MED14: variants seen among roughly 807,000 people sequenced by gnomAD.
The protein encoded by MED14 is mediator of RNA polymerase II transcription subunit 14.
A neutral mutation model predicts 109.0 loss-of-function variants in MED14; 8 were observed. The ratio of observed to expected loss-of-function variants is 0.07; its 90% CI spans 0.04 to 0.13. MED14 has a LOEUF of 0.13. Among genes scored for constraint, MED14 ranks in the 10% least tolerant of loss-of-function variants. The pLI is 1.00. For missense variants in MED14, 711 were observed against 1,142.4 expected (o/e 0.62, Z 5.44); for synonymous variants, 399 against 408.7 (o/e 0.98, Z 0.29).
At chrX:40,710,391 C>A (rs960082304) in intron 8 of MED14, among the ~76,000 whole-genome samples, 1 of 111,977 alleles carries the variant, frequency 8.9e-6, no homozygotes, top group African/African-American at 3.2e-5. Context: ...AACTACCTGT[C>A]TTCTAAGTAG....
chrX:40,700,363 C>CAAA lies in MED14; in HGVS notation c.1490+799_1490+801dup, dbSNP rs749901603. Among the ~76,000 whole-genome samples the CAAA allele has an allele frequency of 3.4e-3, 17 of 4,947 alleles. 2 individuals are homozygous for CAAA. The highest frequency in any genetic ancestry group is 8.4e-3 in the African/African-American group (12 of 1,436). 4.3% of individuals were successfully genotyped at this position (4,947 alleles called of 115,157 possible). A position where few individuals can be genotyped will look rare whatever the true frequency, so the allele number is the denominator to read the frequency against. ...GTGGCAACAAAGTAAAACCCTGTCTCAAAAAAAAAAAAAAAAAAAAAAAAA... is the reference window on the plus strand; with the variant it reads ...GTGGCAACAAAGTAAAACCCTGTCTCAAAAAAAAAAAAAAAAAAAAAAAAAAAA... On this transcript the variant is annotated intron_variant, in intron 12 of 30. Transcript: ENST00000324817.
chrX:40,733,858 A>G (rs1602501274), intron 1 of MED14, among the ~76,000 whole-genome samples: 1 of 112,072 alleles, frequency 8.9e-6, no homozygotes, highest in Non-Finnish European at 1.9e-5. Flanking sequence ...TAGAGTCTGG[A>G]GTTCATCAGA....
intron 16 of MED14, among the ~76,000 whole-genome samples, 167 bp downstream of exon 16, chrX:40,688,287 C>T (rs1489377325): frequency 6.3e-5 from 7 of 111,959 alleles, no homozygotes; most frequent in Non-Finnish European, 1.3e-4. Flanking sequence ...TGGATTGCCA[C>T]TCCATAGATT....
intron 25 of MED14, 67 bp from the exon 26 acceptor site, chrX:40,663,227 T>C (rs1196932126): frequency 2.3e-6 from 2 of 858,747 alleles, no homozygotes; most frequent in East Asian, 6.7e-5. Flanking sequence ...CCTGTTTTGC[T>C]TTCATCATAA....
At chrX:40,732,892 G>A (rs755094193) in intron 1 of MED14, among the ~76,000 whole-genome samples, 1 of 110,344 alleles carries the variant, frequency 9.1e-6, no homozygotes, top group Non-Finnish European at 1.9e-5. Flanking sequence ...AAGTGGTTAA[G>A]AGGTTGGAGA....
chrX:40,683,023 T>A (rs1930178085), intron 16 of MED14, 27 bp from the exon 17 acceptor site: 1 of 1,152,170 alleles, frequency 8.7e-7, no homozygotes, highest in African/African-American at 1.8e-5. Flanking sequence ...GCATATGAAG[T>A]ATACTTTACA....
At chrX:40,679,817 G>C (rs761052929) in intron 21 of MED14, 47 bp downstream of exon 21, 3 of 1,146,890 alleles carry the variant, frequency 2.6e-6, no homozygotes, top group Non-Finnish European at 2.4e-6. Context: ...AACTATTTTA[G>C]AGATAATTTT....
At chrX:40,720,143 C>T (rs925903576) in intron 3 of MED14, among the ~76,000 whole-genome samples, 5 of 112,359 alleles carry the variant, frequency 4.5e-5, no homozygotes, top group Admixed American at 9.4e-5. Context: ...TACAAGCCAA[C>T]ACCAGTCACC....
chrX:40,733,124 T>C (rs1207350945), intron 1 of MED14, among the ~76,000 whole-genome samples: 1 of 107,930 alleles, frequency 9.3e-6, no homozygotes, highest in African/African-American at 3.4e-5. Flanking sequence ...TTTTTTTTTT[T>C]GAGATAGGAT....
At chrX:40,688,359 T>C in intron 16 of MED14, 95 bp downstream of exon 16, 1 of 623,218 alleles carries the variant, frequency 1.6e-6, no homozygotes, top group Non-Finnish European at 2.6e-6. Flanking sequence ...CCACAGGTTC[T>C]GAACACTGCT....
intron 1 of MED14, among the ~76,000 whole-genome samples, chrX:40,734,592 T>C (rs1341939266): frequency 1.8e-5 from 2 of 112,467 alleles, no homozygotes; most frequent in Non-Finnish European, 3.8e-5. Context: ...TCTGAAGGGA[T>C]TAACAACTTA....
At position 40,692,918 on chromosome X, in the gene MED14, A is replaced by G. The variant is rs747792044; in HGVS notation, c.1651-16T>C. On this transcript the variant is annotated splice_polypyrimidine_tract_variant and intron_variant, in intron 13 of 30. Transcript: ENST00000324817. ...TCTCCACAACCTAAAAATCCCAAAA[A>G]GAAATAAGACTTAGAGAAATAAGAA... 2 of 1,121,319 alleles carry G rather than the reference A, an allele frequency of 1.8e-6. No homozygotes were observed. The highest frequency in any genetic ancestry group is 4.6e-5 in the South Asian group (2 of 43,841). The allele number at this position is 1,121,319 out of a possible 1,213,427, so 92.4% of individuals were successfully genotyped here. A position where few individuals can be genotyped will look rare whatever the true frequency, so the allele number is the denominator to read the frequency against.
chrX:40,675,913 A>G (rs1175020145), intron 21 of MED14, among the ~76,000 whole-genome samples: 1 of 112,257 alleles, frequency 8.9e-6, no homozygotes, highest in Admixed American at 9.4e-5. Context: ...TCAAGCACAG[A>G]TTCTCTTTAA....
chrX:40,673,846 CAAAAA>C (rs138556866), intron 22 of MED14, among the ~76,000 whole-genome samples: 1 of 86,778 alleles, frequency 1.2e-5, no homozygotes. Flanking sequence ...AACTCCATCT[CAAAAA>C]AAAAAAAAAA....
chrX:40,693,011 TAA>T (rs1363062601), intron 13 of MED14, 109 bp from the exon 14 acceptor site: 144 of 393,764 alleles, frequency 3.7e-4, no homozygotes, highest in Middle Eastern at 7.9e-4. Flanking sequence ...GTAGATGTCT[TAA>T]AAAAAAAAAA....
At chrX:40,664,280 G>A in intron 25 of MED14, 27 bp downstream of exon 25, 1 of 1,181,394 alleles carries the variant, frequency 8.5e-7, no homozygotes, top group Non-Finnish European at 1.1e-6. Context: ...TACTAAAAAA[G>A]AACATAAAAA....
chrX:40,711,356 C>A (rs938776781), intron 7 of MED14, 55 bp from the exon 8 acceptor site: 13 of 974,374 alleles, frequency 1.3e-5, no homozygotes, highest in Admixed American at 3.0e-5. Context: ...CAATCAAGTC[C>A]AGGAGAACTT....
In MED14 at chrX:40,702,341, G is replaced by GT. The variant is rs1384806028; in HGVS notation, c.1412-1099dup. ...TAATCAGAAAAACAGTTAAATATAA[G>GT]TTTTGTTTTTTTTTTTTTTTTTTGA... On this transcript the variant is annotated intron_variant, in intron 11 of 30. Coordinates refer to ENST00000324817, the MANE Select transcript of MED14 (RefSeq NM_004229.4). 4.9e-3 allele frequency among the ~76,000 whole-genome samples: 413 copies of GT among 83,654 alleles called. 5 individuals are homozygous for GT. Among genetic ancestry groups the GT allele is most frequent in the African/African-American group, 0.024 (396 of 16,230 alleles). The allele number at this position is 83,654 out of a possible 115,157, so 72.6% of individuals were successfully genotyped here.
intron 11 of MED14, among the ~76,000 whole-genome samples, chrX:40,701,942 T>A (rs967227017): frequency 6.3e-5 from 7 of 111,196 alleles, no homozygotes; most frequent in African/African-American, 2.3e-4. Flanking sequence ...GCAATTAGGT[T>A]TAAATGAGGT....
Sources: allele counts gnomAD v4.1 joint callset (sites outside exome capture counted in the v4.1 genomes callset), GRCh38; gene constraint gnomAD v4.1.1; transcripts MANE v1.5; gene names NCBI Gene and HGNC (gene_info 2026-07-23, HGNC 2026-07-21).